The following FRMD4B variants were observed in gnomAD, a reference collection of about 807,000 sequenced individuals.
The protein encoded by FRMD4B is FERM domain containing 4B.
FRMD4B carries 74 observed loss-of-function variants against 141.5 expected under a neutral mutation model. The ratio of observed to expected loss-of-function variants is 0.52; its 90% CI spans 0.43 to 0.63. FRMD4B has a LOEUF of 0.63. Among genes scored for constraint, FRMD4B ranks in the 30% least tolerant of loss-of-function variants. FRMD4B has a pLI of 0.00. For synonymous variants in FRMD4B, 506 were observed against 467.9 expected (o/e 1.08, Z -1.05); for missense variants, 1,366 against 1,253.4 (o/e 1.09, Z -1.36).
At chr3:69,252,700 C>A (rs2093470782) in intron 5 of FRMD4B, among the ~76,000 whole-genome samples, 1 of 152,278 alleles carries the variant, frequency 6.6e-6, no homozygotes, top group South Asian at 2.1e-4. Context: ...GGATTTCAAG[C>A]CTGAAGTGTA....
In FRMD4B at chr3:69,228,326, C is replaced by A. The variant is rs73838312; in HGVS notation, c.582-3636G>T. On this transcript the variant is annotated intron_variant, in intron 7 of 22. Coordinates refer to ENST00000398540, the MANE Select transcript of FRMD4B (RefSeq NM_015123.3). ...CTCTTATGTCACTCTGAATATTAGACATCTCAGATGCAAATATCTTGGGGC... is the reference window on the plus strand; with the variant it reads ...CTCTTATGTCACTCTGAATATTAGAAATCTCAGATGCAAATATCTTGGGGC... 7.9e-4 allele frequency: 363 copies of A among 456,758 alleles called. 2 individuals are homozygous for A. The highest frequency in any genetic ancestry group is 6.7e-3 in the African/African-American group (334 of 50,192). The allele number at this position is 456,758 out of a possible 1,614,324, so 28.3% of individuals were successfully genotyped here. A position where few individuals can be genotyped will look rare whatever the true frequency, so the allele number is the denominator to read the frequency against.
At chr3:69,409,447 A>G (rs969086186) in intron 2 of FRMD4B, among the ~76,000 whole-genome samples, 14 of 152,226 alleles carry the variant, frequency 9.2e-5, no homozygotes, top group African/African-American at 3.4e-4. Flanking sequence ...ATCTGTCCTC[A>G]TAAGGCATCA....
chr3:69,206,176 C>T (rs1487941161), intron 11 of FRMD4B, among the ~76,000 whole-genome samples: 1 of 151,940 alleles, frequency 6.6e-6, no homozygotes, highest in African/African-American at 2.4e-5. Flanking sequence ...ATGGTAAAAC[C>T]CCATCTCTGC....
chr3:69,509,292 G>C (rs1034605293), intron 1 of FRMD4B, among the ~76,000 whole-genome samples: 1 of 152,192 alleles, frequency 6.6e-6, no homozygotes, highest in African/African-American at 2.4e-5. Flanking sequence ...GTCTTCACTT[G>C]AGGCCAGTTG....
At chr3:69,418,770 C>T (rs947908175) in intron 2 of FRMD4B, among the ~76,000 whole-genome samples, 2 of 152,090 alleles carry the variant, frequency 1.3e-5, no homozygotes, top group African/African-American at 4.8e-5. Flanking sequence ...TGGTAAGAAA[C>T]TGAGCAGAGG....
intron 5 of FRMD4B, among the ~76,000 whole-genome samples, chr3:69,287,436 C>T (rs1272736804): frequency 2.0e-5 from 3 of 152,094 alleles, no homozygotes; most frequent in Admixed American, 6.5e-5. Flanking sequence ...CTGGCCTAGA[C>T]GTTTTGATTA....
Position 69,385,863 on chromosome 3 carries a change from G to A in FRMD4B, c.127C>T (p.Leu43=). The A allele has an allele frequency of 6.3e-7, 1 of 1,597,894 alleles. No individual in the cohort carries two copies. ...TCCTGCAGCCCGCACCACGTCCGCA[G>A]CACCTGGTGGCAAGCCCGCAGCCTC... ...TERLRACHQV[L]RTWCGLQDVY... The change falls in exon 1 of 23, where the codon CTG becomes TTG. Residue 43 remains leucine (L), a synonymous_variant. Coordinates refer to ENST00000398540, the MANE Select transcript of FRMD4B (RefSeq NM_015123.3).
At chr3:69,449,723 C>G (rs996361703) in intron 1 of FRMD4B, among the ~76,000 whole-genome samples, 1 of 151,384 alleles carries the variant, frequency 6.6e-6, no homozygotes, top group Non-Finnish European at 1.5e-5. Flanking sequence ...TTTTTTTTTT[C>G]CCCTAAGGCT....
upstream of FRMD4B, among the ~76,000 whole-genome samples, chr3:69,388,369 G>A (rs1451538291): frequency 2.6e-5 from 4 of 152,154 alleles, no homozygotes; most frequent in African/African-American, 4.8e-5. Context: ...TGTGGTCACT[G>A]GGCCAGCAGC....
Position 69,181,326 on chromosome 3 carries a change from C to A in FRMD4B, c.2424G>T (p.Gly808=). 6.2e-7 allele frequency: 1 copy of A among 1,613,852 alleles called. No homozygotes were observed. Reference sequence around the variant, plus strand: ...AGTCACACTCTGCATAGGGTGTGTACCCGGCAATGTAGTAACTGGAAGACG... The same window carrying A: ...AGTCACACTCTGCATAGGGTGTGTAACCGGCAATGTAGTAACTGGAAGACG... ...EPPSSSYYIA[G]YTPYAECDFY... Residue 808 remains glycine (G), a synonymous_variant, in exon 21 of 23, where the codon GGG becomes GGT. Transcript: ENST00000398540.
At chr3:69,512,403 T>C (rs1471597139) in intron 1 of FRMD4B, among the ~76,000 whole-genome samples, 1 of 152,238 alleles carries the variant, frequency 6.6e-6, no homozygotes, top group Admixed American at 6.5e-5. Flanking sequence ...AGTATTCATA[T>C]AGTACAGGCT....
chr3:69,300,185 G>A (rs1018691204), intron 4 of FRMD4B, among the ~76,000 whole-genome samples: 5 of 152,024 alleles, frequency 3.3e-5, no homozygotes, highest in Admixed American at 6.6e-5. Context: ...CAGTGACCTC[G>A]GTCAGTTCAC....
chr3:69,538,342 C>G (rs940500028), intron 1 of FRMD4B, among the ~76,000 whole-genome samples: 1 of 152,154 alleles, frequency 6.6e-6, no homozygotes, highest in Non-Finnish European at 1.5e-5. Context: ...ACATAATACC[C>G]TAATTCCACT....
intron 1 of FRMD4B, among the ~76,000 whole-genome samples, chr3:69,501,649 C>T (rs1706499491): frequency 6.6e-6 from 1 of 152,192 alleles, no homozygotes; most frequent in Non-Finnish European, 1.5e-5. Context: ...CTCACCACTC[C>T]TATTCAACAT....
intron 1 of FRMD4B, among the ~76,000 whole-genome samples, chr3:69,361,591 TTA>T (rs1225325230): frequency 6.6e-6 from 1 of 152,214 alleles, no homozygotes; most frequent in African/African-American, 2.4e-5. Context: ...ACAAATTGAA[TTA>T]TGGAGTATGT....
intron 1 of FRMD4B, among the ~76,000 whole-genome samples, chr3:69,362,275 A>T (rs34184121): frequency 0.36 from 55,399 of 151,792 alleles, 12,006 homozygotes; most frequent in African/African-American, 0.61. Flanking sequence ...GAGGTTAAAT[A>T]ACTTACATGA....
intron 1 of FRMD4B, among the ~76,000 whole-genome samples, chr3:69,519,908 G>A (rs989817176): frequency 4.0e-5 from 6 of 150,516 alleles, no homozygotes; most frequent in African/African-American, 1.5e-4. Flanking sequence ...CCATTCCTGA[G>A]TTACTTCACT....
At chr3:69,268,132 C>T (rs1279413774) in intron 5 of FRMD4B, among the ~76,000 whole-genome samples, 1 of 151,868 alleles carries the variant, frequency 6.6e-6, no homozygotes, top group African/African-American at 2.4e-5. Flanking sequence ...ATGAGGCTGT[C>T]ACAAGGTCAA....
chr3:69,342,759 A>G (rs1047571725), intron 1 of FRMD4B, among the ~76,000 whole-genome samples: 2 of 152,142 alleles, frequency 1.3e-5, no homozygotes, highest in African/African-American at 2.4e-5. Flanking sequence ...TCATTTCTTT[A>G]TGTTGGGAAC....
Sources: allele counts gnomAD v4.1 joint callset (sites outside exome capture counted in the v4.1 genomes callset), GRCh38; gene constraint gnomAD v4.1.1; transcripts MANE v1.5; gene names NCBI Gene and HGNC (gene_info 2026-07-23, HGNC 2026-07-21).